ANO2: variants seen among roughly 807,000 people sequenced by gnomAD.
ANO2 encodes the protein anoctamin-2.
ANO2 carries 101 observed loss-of-function variants against 124.2 expected under a neutral mutation model. That is an observed-to-expected ratio of 0.81 (90% confidence interval 0.69 to 0.96). The LOEUF (loss-of-function observed/expected upper bound fraction) is 0.96. Among genes scored for constraint, ANO2 ranks in the 40% least tolerant of loss-of-function variants. The pLI, the probability that ANO2 is intolerant of heterozygous loss-of-function variation, is 0.00. For synonymous variants in ANO2, 486 were observed against 482.5 expected (o/e 1.01, Z -0.09); for missense variants, 1,293 against 1,274.5 (o/e 1.01, Z -0.22).
chr12:5,905,743 AAGAAG>A (rs532905612), intron 3 of ANO2, among the ~76,000 whole-genome samples: 134 of 152,342 alleles, frequency 8.8e-4, no homozygotes, highest in Middle Eastern at 3.4e-3. Context: ...GGTTGAAAGA[AAGAAG>A]AGAAGGCCAG....
intron 14 of ANO2, among the ~76,000 whole-genome samples, chr12:5,730,254 T>G (rs771018182): frequency 6.6e-6 from 1 of 152,202 alleles, no homozygotes; most frequent in African/African-American, 2.4e-5. Flanking sequence ...TAAATCTCAA[T>G]AAACATGTTT....
At chr12:5,844,749 T>C (rs898820178) in intron 4 of ANO2, among the ~76,000 whole-genome samples, 5 of 152,146 alleles carry the variant, frequency 3.3e-5, no homozygotes, top group African/African-American at 4.8e-5. Flanking sequence ...CCCCAGAGTA[T>C]GTTCTGCAGA....
chr12:5,860,120 C>A (rs1223743788), intron 3 of ANO2, among the ~76,000 whole-genome samples: 1 of 152,114 alleles, frequency 6.6e-6, no homozygotes, highest in Non-Finnish European at 1.5e-5. Context: ...GCTGTTCCAC[C>A]AGCTTCCTAC....
intron 16 of ANO2, among the ~76,000 whole-genome samples, chr12:5,618,922 A>C (rs1293460889): frequency 6.6e-6 from 1 of 152,224 alleles, no homozygotes; most frequent in Admixed American, 6.5e-5. Flanking sequence ...GAAAGGCTGC[A>C]TTGCCATGTT....
chr12:5,923,081 T>TACACACACGCATAC (rs762559906), intron 1 of ANO2, among the ~76,000 whole-genome samples: 5,255 of 21,616 alleles, frequency 0.24, 1,388 homozygotes, highest in East Asian at 0.56. Flanking sequence ...CATGCACACA[T>TACACACACGCATAC]ACACACACAC....
At chr12:5,923,184 A>ACC (rs1941874320) in intron 1 of ANO2, among the ~76,000 whole-genome samples, 1 of 63,896 alleles carries the variant, frequency 1.6e-5, no homozygotes. Flanking sequence ...GCACACACAC[A>ACC]TACACACACA....
intron 1 of ANO2, among the ~76,000 whole-genome samples, chr12:5,931,345 G>T (rs199547907): frequency 1.3e-5 from 2 of 152,162 alleles, no homozygotes; most frequent in African/African-American, 2.4e-5. Flanking sequence ...GATGATATAC[G>T]TGCAGTATTT....
intron 7 of ANO2, among the ~76,000 whole-genome samples, chr12:5,817,991 C>T (rs928750244): frequency 1.2e-4 from 18 of 152,198 alleles, no homozygotes; most frequent in East Asian, 3.9e-4. Context: ...CTTCCAACAA[C>T]TATCAGAAGA....
chr12:5,645,450 CAT>C (rs1411302715), intron 15 of ANO2, among the ~76,000 whole-genome samples: 4 of 136,318 alleles, frequency 2.9e-5, no homozygotes, highest in African/African-American at 1.2e-4. Context: ...TGTGTGTACA[CAT>C]ATATATACAC....
intron 4 of ANO2, among the ~76,000 whole-genome samples, chr12:5,846,826 A>G (rs1373952536): frequency 6.6e-6 from 1 of 152,210 alleles, no homozygotes; most frequent in Non-Finnish European, 1.5e-5. Flanking sequence ...GGATGATCTC[A>G]TCCTGAGATC....
rs190525808 is a variant in ANO2 at position 5,636,428 on chromosome 12, A to G, written c.1621-1081T>C. Among the ~76,000 whole-genome samples the G allele has an allele frequency of 6.6e-6, 1 of 152,308 alleles. No individual in the cohort carries two copies. Among genetic ancestry groups the G allele is most frequent in the African/African-American group, 2.4e-5 (1 of 41,572 alleles). On this transcript the variant is annotated intron_variant, in intron 15 of 24. Coordinates refer to ENST00000682330, the MANE Select transcript of ANO2 (RefSeq NM_001364791.2). The surrounding 1 kb of genome is among the most constrained non-coding windows in gnomAD (Gnocchi z 4.6). ...ATTCTAATTTGCTTCAGTCAAGTCA[A>G]GACTTCTTCAAGAAAGAAGACTTCC...
At chr12:5,740,170 C>G in intron 12 of ANO2, 1 of 345,846 alleles carries the variant, frequency 2.9e-6, no homozygotes, top group South Asian at 2.2e-5. Flanking sequence ...GGCTGAACAT[C>G]TGATGCAGGG....
At chr12:5,855,176 C>G (rs932297676) in intron 3 of ANO2, among the ~76,000 whole-genome samples, 1 of 152,096 alleles carries the variant, frequency 6.6e-6, no homozygotes, top group Non-Finnish European at 1.5e-5. Flanking sequence ...TCCTTCATTC[C>G]GCCCTCTGAT....
chr12:5,837,041 A>C (rs1954343374), intron 4 of ANO2, among the ~76,000 whole-genome samples: 2 of 152,228 alleles, frequency 1.3e-5, no homozygotes, highest in Admixed American at 6.5e-5. Flanking sequence ...AGTTGCTGTC[A>C]CTGGAGGAGC....
intron 7 of ANO2, among the ~76,000 whole-genome samples, chr12:5,826,617 T>G (rs779712793): frequency 1.3e-5 from 2 of 152,140 alleles, no homozygotes; most frequent in Non-Finnish European, 2.9e-5. Context: ...GCATTGTTAT[T>G]TGGAATCTTG....
At chr12:5,861,274 C>A (rs1955258552) in intron 3 of ANO2, among the ~76,000 whole-genome samples, 2 of 152,154 alleles carry the variant, frequency 1.3e-5, no homozygotes, top group Admixed American at 6.5e-5. Flanking sequence ...CCACGGCAAT[C>A]CTGCAGCCCC....
chr12:5,935,312 C>T (rs1252080416), intron 1 of ANO2, among the ~76,000 whole-genome samples: 2 of 152,106 alleles, frequency 1.3e-5, no homozygotes. Flanking sequence ...CAATAGCAAA[C>T]ATCCACCACA....
intron 1 of ANO2, among the ~76,000 whole-genome samples, chr12:5,933,508 G>C (rs1424323696): frequency 1.3e-5 from 2 of 152,186 alleles, no homozygotes; most frequent in African/African-American, 4.8e-5. Flanking sequence ...ATGGGTGGGT[G>C]GGTGGATGGA....
At chr12:5,667,549 ATTTT>A (rs902648720) in intron 14 of ANO2, among the ~76,000 whole-genome samples, 7 of 152,102 alleles carry the variant, frequency 4.6e-5, no homozygotes, top group Middle Eastern at 3.4e-3. Context: ...AAAAATGTTT[ATTTT>A]TATTTCAAGT....
Sources: allele counts gnomAD v4.1 joint callset (sites outside exome capture counted in the v4.1 genomes callset), GRCh38; gene constraint gnomAD v4.1.1; non-coding constraint Gnocchi (gnomAD v3.1); transcripts MANE v1.5; gene names NCBI Gene and HGNC (gene_info 2026-07-23, HGNC 2026-07-21).